AIG1: variants seen among roughly 807,000 people sequenced by gnomAD.
AIG1 encodes androgen induced 1.
Under a neutral mutation model 31.4 loss-of-function variants are expected in AIG1, and 23 were observed. The ratio of observed to expected loss-of-function variants is 0.73; its 90% CI spans 0.53 to 1.04. The LOEUF (loss-of-function observed/expected upper bound fraction) is 1.04. Among genes scored for constraint, AIG1 ranks in the 50% least tolerant of loss-of-function variants. The pLI is 0.00. For synonymous variants in AIG1, 100 were observed against 110.5 expected (o/e 0.90, Z 0.60); for missense variants, 274 against 295.0 (o/e 0.93, Z 0.52).
chr6:143,118,555 AC>A (rs1781947071), intron 1 of AIG1, among the ~76,000 whole-genome samples: 1 of 152,140 alleles, frequency 6.6e-6, no homozygotes, highest in Non-Finnish European at 1.5e-5. Context: ...TGGACTTAAG[AC>A]GGGCCAGTTT....
In AIG1 at chr6:143,284,533, T is replaced by C. The variant is rs1270349093; in HGVS notation, c.515+308T>C. The stretch of plus-strand genomic sequence containing the variant: ...CGGTTTTATTGCTTAAGGGCTTTTT[T>C]GCTTGGGATTTTGTTGTTGTTGCTT... On this transcript the variant is annotated intron_variant, in intron 4 of 5. Coordinates refer to ENST00000357847, the MANE Select transcript of AIG1 (RefSeq NM_016108.4). The surrounding 1 kb of genome is among the most constrained non-coding windows in gnomAD (Gnocchi z 4.4). Among the ~76,000 whole-genome samples, 1 of 152,182 alleles carries C rather than the reference T, an allele frequency of 6.6e-6. No homozygotes were observed. Among genetic ancestry groups the C allele is most frequent in the Non-Finnish European group, 1.5e-5 (1 of 68,022 alleles).
At position 143,280,974 on chromosome 6, in the gene AIG1, A is replaced by T. The variant is rs1478015131; in HGVS notation, c.400-3136A>T. Among the ~76,000 whole-genome samples the T allele has an allele frequency of 6.6e-6, 1 of 152,182 alleles. No homozygotes were observed. The highest frequency in any genetic ancestry group is 1.5e-5 in the Non-Finnish European group (1 of 68,014). ...AGGAAAGACATATTTAGCAAAAATC[A>T]TTTTTTACAGTGAAGACCTTTTTAT... On this transcript the variant is annotated intron_variant, in intron 3 of 5. Coordinates refer to ENST00000357847, the MANE Select transcript of AIG1 (RefSeq NM_016108.4). The surrounding 1 kb of genome is among the most constrained non-coding windows in gnomAD (Gnocchi z 4.1).
chr6:143,119,276 TA>T (rs1782038719), intron 1 of AIG1, among the ~76,000 whole-genome samples: 1 of 152,214 alleles, frequency 6.6e-6, no homozygotes, highest in Admixed American at 6.5e-5. Context: ...AAACACTCCA[TA>T]AACCTTGCGG....
At chr6:143,246,966 T>C (rs1158737339) in intron 3 of AIG1, among the ~76,000 whole-genome samples, 1 of 152,098 alleles carries the variant, frequency 6.6e-6, no homozygotes, top group East Asian at 1.9e-4. Context: ...TACAGAATAA[T>C]GTCAGCCAAG....
chr6:143,331,686 G>A lies in AIG1; in HGVS notation c.516-1596G>A, dbSNP rs1777085048. Among the ~76,000 whole-genome samples, 1 of 151,662 alleles carries A rather than the reference G, an allele frequency of 6.6e-6. No homozygotes were observed. The highest frequency in any genetic ancestry group is 1.5e-5 in the Non-Finnish European group (1 of 67,930). On this transcript the variant is annotated intron_variant, in intron 4 of 5. Coordinates refer to ENST00000357847, the MANE Select transcript of AIG1 (RefSeq NM_016108.4). This position sits in a 1 kb window ranked among gnomAD's most constrained non-coding sequence, Gnocchi z 4.1. The stretch of plus-strand genomic sequence containing the variant: ...TGTATATGTGTGTGTGTGTGTATCT[G>A]TGCTTTCTACATAAAAAGTGCAAAA...
In AIG1 at chr6:143,284,154, G is replaced by A. The variant is rs116356431; in HGVS notation, c.444G>A (p.Ser148=). ...TTATATTAATCGAGATGAGGACATC[G>A]CACCATCAGTATCCCAGCAGGAGCA... The part of the protein sequence containing the change: ...LPFILIEMRT[S]HHQYPSRSSG... Residue 148 remains serine, a synonymous_variant, in exon 4 of 6, where the codon TCG becomes TCA. Transcript: ENST00000357847. The surrounding 1 kb of genome is among the most constrained non-coding windows in gnomAD (Gnocchi z 4.4). The A allele has an allele frequency of 1.7e-4, 276 of 1,613,950 alleles. No individual in the cohort carries two copies. In the African/African-American group the frequency reaches 3.1e-3, roughly 18 times the overall value.
chr6:143,282,108 A>C (rs1165437834), intron 3 of AIG1, among the ~76,000 whole-genome samples: 1 of 152,202 alleles, frequency 6.6e-6, no homozygotes, highest in African/African-American at 2.4e-5. Context: ...TGACAACTGA[A>C]TAAGCATATT....
intron 3 of AIG1, among the ~76,000 whole-genome samples, chr6:143,175,492 T>C (rs1017194829): frequency 1.3e-5 from 2 of 152,236 alleles, no homozygotes; most frequent in African/African-American, 4.8e-5. Flanking sequence ...GGAGCCTTTA[T>C]TCATTTTTTT....
intron 3 of AIG1, chr6:143,186,801 T>G (rs1789302014): frequency 6.5e-6 from 1 of 153,062 alleles, no homozygotes. Context: ...CAGTTTGGTG[T>G]AAATGATTTA....
intron 2 of AIG1, among the ~76,000 whole-genome samples, chr6:143,148,720 G>A (rs150763830): frequency 4.6e-5 from 7 of 151,996 alleles, no homozygotes; most frequent in African/African-American, 1.7e-4. Context: ...CTACATGGGA[G>A]ACTGCAGTAA....
intron 4 of AIG1, among the ~76,000 whole-genome samples, chr6:143,323,032 G>A (rs1417546541): frequency 2.0e-5 from 3 of 152,066 alleles, no homozygotes; most frequent in Non-Finnish European, 4.4e-5. Flanking sequence ...AGGCTGTATG[G>A]TTTATAGCAC....
intron 3 of AIG1, among the ~76,000 whole-genome samples, chr6:143,217,715 G>GC (rs1240625510): frequency 6.6e-6 from 1 of 152,100 alleles, no homozygotes; most frequent in African/African-American, 2.4e-5. Context: ...CACCATGTTG[G>GC]CCAGGCTCAT....
intron 3 of AIG1, among the ~76,000 whole-genome samples, chr6:143,207,435 G>A (rs1562489721): frequency 6.6e-6 from 1 of 151,830 alleles, no homozygotes. Context: ...GTAAGAAACT[G>A]TGTTTACAGA....
intron 4 of AIG1, among the ~76,000 whole-genome samples, chr6:143,303,365 C>T (rs1798976141): frequency 6.6e-6 from 1 of 152,066 alleles, no homozygotes; most frequent in African/African-American, 2.4e-5. Flanking sequence ...TTAGGTCTAA[C>T]ATTTAAGTCT....
rs778432015 is a variant in AIG1, at chr6:143,061,100, C to G, written c.141+34C>G. On this transcript the variant is annotated intron_variant, in intron 1 of 5. Transcript: ENST00000357847. ...GTCCCCTCCCCCTGCTCGCCCCGCA[C>G]CCCGTGCCTGTGTGTGCGTGTGTGT... 9.3e-6 allele frequency: 15 copies of G among 1,607,620 alleles called. No homozygotes were observed. In the East Asian group the frequency reaches 3.4e-4, roughly 36 times the overall value.
intron 3 of AIG1, among the ~76,000 whole-genome samples, chr6:143,216,359 A>G (rs561674195): frequency 6.6e-6 from 1 of 152,214 alleles, no homozygotes. Flanking sequence ...GTCATCAGGT[A>G]TATGGACAGG....
intron 3 of AIG1, among the ~76,000 whole-genome samples, chr6:143,242,533 CTAGT>C (rs1206269584): frequency 6.6e-5 from 10 of 152,304 alleles, no homozygotes; most frequent in Admixed American, 5.9e-4. Context: ...AATCTCACAG[CTAGT>C]TATTGGCAGA....
At position 143,183,227 on chromosome 6, in the gene AIG1, C is replaced by T. The variant is rs186806868; in HGVS notation, c.399+18044C>T. On this transcript the variant is annotated intron_variant, in intron 3 of 5. Transcript: ENST00000357847. ...TTTTTTTTTTTTGGAGACGGAGTCT[C>T]GCTCTGTCGCCAGGCTGGAGTGCGA... Among the ~76,000 whole-genome samples, 481 of 142,490 alleles carry T rather than the reference C, an allele frequency of 3.4e-3. 12 individuals carry two copies. The East Asian group carries it at 0.068, about 20-fold the overall frequency. 93.5% of individuals were successfully genotyped at this position (142,490 alleles called of 152,430 possible). A position where few individuals can be genotyped will look rare whatever the true frequency, so the allele number is the denominator to read the frequency against.
At chr6:143,231,475 G>A (rs1345908741) in intron 3 of AIG1, among the ~76,000 whole-genome samples, 1 of 152,172 alleles carries the variant, frequency 6.6e-6, no homozygotes, top group Non-Finnish European at 1.5e-5. Flanking sequence ...TACAAGATGG[G>A]GAGGAACTAT....
Sources: allele counts gnomAD v4.1 joint callset (sites outside exome capture counted in the v4.1 genomes callset), GRCh38; gene constraint gnomAD v4.1.1; non-coding constraint Gnocchi (gnomAD v3.1); transcripts MANE v1.5; gene names NCBI Gene and HGNC (gene_info 2026-07-23, HGNC 2026-07-21).